ACTR3C: variants seen among roughly 807,000 people sequenced by gnomAD.
ACTR3C encodes the protein actin-related protein 3C.
Under a neutral mutation model 26.3 loss-of-function variants are expected in ACTR3C, and 18 were observed. That is an observed-to-expected ratio of 0.68 (90% CI 0.47 to 1.01). ACTR3C has a LOEUF of 1.01. Ranked by LOEUF, ACTR3C falls within the 50% of genes least tolerant of loss-of-function variation. The pLI, the probability that ACTR3C is intolerant of heterozygous loss-of-function variation, is 0.00. For synonymous variants in ACTR3C, 55 were observed against 94.5 expected, an observed-to-expected ratio of 0.58 and a Z score of 2.42; for missense variants, 184 against 250.7, an observed-to-expected ratio of 0.73 and a Z score of 1.80.
chr7:150,320,500 A>C (rs2108853), intron 1 of ACTR3C, among the ~76,000 whole-genome samples: 38,717 of 152,132 alleles, frequency 0.25, 5,150 homozygotes, highest in East Asian at 0.42. Context: ...CCATGGCTCA[A>C]GCCTGTAATC....
the ACTR3C span, among the ~76,000 whole-genome samples, chr7:150,212,394 TA>T: frequency 2.8e-5 from 4 of 142,600 alleles, no homozygotes; most frequent in African/African-American, 1.2e-4. Context: ...ATTTTACTGA[TA>T]AAATGAGGAC....
chr7:149,909,027 C>T, the ACTR3C span, among the ~76,000 whole-genome samples: 1 of 151,630 alleles, frequency 6.6e-6, no homozygotes, highest in Non-Finnish European at 1.5e-5. Context: ...GCTGATCCAC[C>T]CGCCTCAGCC....
chr7:149,983,301 C>T, the ACTR3C span, among the ~76,000 whole-genome samples: 10 of 150,782 alleles, frequency 6.6e-5, no homozygotes, highest in Non-Finnish European at 1.5e-4. Flanking sequence ...TACAAATGGC[C>T]AACAGGCACA....
chr7:150,042,440 T>G, the ACTR3C span, among the ~76,000 whole-genome samples: 13 of 118,512 alleles, frequency 1.1e-4, no homozygotes, highest in Admixed American at 7.6e-4. Flanking sequence ...TCCTCCCCTG[T>G]GATGAGGGTG....
chr7:150,064,385 C>T, the ACTR3C span, among the ~76,000 whole-genome samples: 20,064 of 141,788 alleles, frequency 0.14, 1,549 homozygotes, highest in African/African-American at 0.19. Context: ...TGAATCCCCC[C>T]GCCCCCAACC....
the ACTR3C span, among the ~76,000 whole-genome samples, chr7:150,112,320 C>T: frequency 6.6e-6 from 1 of 152,342 alleles, no homozygotes; most frequent in Admixed American, 6.5e-5. Context: ...TGCAAGCCTC[C>T]ATAATTCTAA....
intron 6 of ACTR3C, among the ~76,000 whole-genome samples, chr7:150,273,813 A>C: frequency 6.6e-6 from 1 of 151,096 alleles, no homozygotes; most frequent in African/African-American, 2.4e-5. Context: ...TCTCTGAGGG[A>C]TGTCTCTAGT....
At chr7:149,975,961 A>T in the ACTR3C span, among the ~76,000 whole-genome samples, 2 of 152,200 alleles carry the variant, frequency 1.3e-5, no homozygotes, top group African/African-American at 4.8e-5. Flanking sequence ...TTCATTCACC[A>T]AAACCAAAAG....
the ACTR3C span, among the ~76,000 whole-genome samples, chr7:150,130,088 C>A: frequency 6.6e-6 from 1 of 152,116 alleles, no homozygotes. Flanking sequence ...AGACAATCAC[C>A]ATTTCAACAT....
At chr7:150,117,384 G>C in the ACTR3C span, among the ~76,000 whole-genome samples, 1 of 152,176 alleles carries the variant, frequency 6.6e-6, no homozygotes, top group East Asian at 1.9e-4. Context: ...TGGGATGCTC[G>C]AGCTTGGTGG....
At chr7:149,900,843 G>A in the ACTR3C span, among the ~76,000 whole-genome samples, 1 of 152,026 alleles carries the variant, frequency 6.6e-6, no homozygotes, top group South Asian at 2.1e-4. Context: ...GACCAGCCTG[G>A]CCAACATGGT....
At chr7:150,292,545 A>AG (rs372733215) in intron 3 of ACTR3C, among the ~76,000 whole-genome samples, 25,506 of 141,860 alleles carry the variant, frequency 0.18, 3,142 homozygotes, top group African/African-American at 0.34. Context: ...CTTGTTGCCC[A>AG]GCTGGGGTGC....
the ACTR3C span, among the ~76,000 whole-genome samples, chr7:150,208,078 G>A: frequency 6.6e-6 from 1 of 152,266 alleles, no homozygotes; most frequent in Admixed American, 6.5e-5. Context: ...CAAAGAAAGC[G>A]AAGGAGGACA....
At chr7:150,237,553 T>C in the ACTR3C span, among the ~76,000 whole-genome samples, 2 of 152,094 alleles carry the variant, frequency 1.3e-5, no homozygotes, top group African/African-American at 4.8e-5. Context: ...TGGCTTCCCT[T>C]ACCTTCCATA....
intron 6 of ACTR3C, among the ~76,000 whole-genome samples, chr7:150,253,223 G>A (rs890677173): frequency 1.3e-5 from 2 of 152,158 alleles, no homozygotes; most frequent in Non-Finnish European, 2.9e-5. Context: ...TCCTCTGGCT[G>A]GTTCTGAAAT....
At chr7:150,006,360 C>G in the ACTR3C span, among the ~76,000 whole-genome samples, 1 of 150,268 alleles carries the variant, frequency 6.7e-6, no homozygotes, top group East Asian at 1.9e-4. Flanking sequence ...CCACGCCTGG[C>G]TAATTTTTTT....
chr7:150,039,550 A>AGG, the ACTR3C span, among the ~76,000 whole-genome samples: 1 of 75,402 alleles, frequency 1.3e-5, no homozygotes, highest in African/African-American at 4.2e-5. Flanking sequence ...CCCCAGAGCC[A>AGG]GGGGGGGAAG....
chr7:150,192,912 T>G, the ACTR3C span, among the ~76,000 whole-genome samples: 1 of 152,246 alleles, frequency 6.6e-6, no homozygotes, highest in Non-Finnish European at 1.5e-5. Flanking sequence ...CTGATTGTCT[T>G]GCACACAGAC....
chr7:150,121,503 T>C, the ACTR3C span, among the ~76,000 whole-genome samples: 1 of 146,780 alleles, frequency 6.8e-6, no homozygotes, highest in Non-Finnish European at 1.5e-5. Flanking sequence ...GAGAATAAAA[T>C]ACCTAGGAAT....
Sources: allele counts gnomAD v4.1 joint callset (sites outside exome capture counted in the v4.1 genomes callset), GRCh38; gene constraint gnomAD v4.1.1; transcripts MANE v1.5; gene names NCBI Gene and HGNC (gene_info 2026-07-23, HGNC 2026-07-21).